Variants in ADGRL3 observed in about 807,000 individuals in gnomAD.
ADGRL3 encodes adhesion G protein-coupled receptor L3, also known as calcium-independent alpha-latrotoxin receptor 3.
In ADGRL3, 62 loss-of-function variants were observed where a neutral mutation model predicts 153.5. That is an observed-to-expected ratio of 0.40 (90% CI 0.33 to 0.50). ADGRL3 has a LOEUF of 0.50. Among genes scored for constraint, ADGRL3 ranks in the 20% least tolerant of loss-of-function variants. ADGRL3 has a pLI of 0.47. For synonymous variants in ADGRL3, 710 were observed against 672.5 expected, an observed-to-expected ratio of 1.06 and a Z score of -0.86; for missense variants, 1,641 against 1,859.4, an observed-to-expected ratio of 0.88 and a Z score of 2.16.
At chr4:61,967,483 A>G (rs2099011202) in intron 17 of ADGRL3, among the ~76,000 whole-genome samples, 1 of 152,210 alleles carries the variant, frequency 6.6e-6, no homozygotes, top group African/African-American at 2.4e-5. Context: ...ATGTGATAAC[A>G]TAAAGCCAAA....
intron 9 of ADGRL3, among the ~76,000 whole-genome samples, chr4:61,844,081 T>C (rs77128942): frequency 0.15 from 22,593 of 151,598 alleles, 1,827 homozygotes; most frequent in African/African-American, 0.2. Flanking sequence ...GGGTCTTGCC[T>C]GCTCAAAAAT....
At chr4:61,407,266 A>G (rs569513807) in intron 2 of ADGRL3, among the ~76,000 whole-genome samples, 1 of 152,084 alleles carries the variant, frequency 6.6e-6, no homozygotes, top group African/African-American at 2.4e-5. Flanking sequence ...AAATTATACT[A>G]AAGTAAGGTG....
At chr4:61,413,319 T>C (rs2097109208) in intron 2 of ADGRL3, among the ~76,000 whole-genome samples, 1 of 151,974 alleles carries the variant, frequency 6.6e-6, no homozygotes, top group African/African-American at 2.4e-5. Context: ...GTGATGAAAG[T>C]CTTCACCTGG....
Position 61,895,744 on chromosome 4 carries a change from T to C in ADGRL3, c.1797T>C (p.Tyr599=). Residue 599 remains tyrosine, a synonymous_variant, in exon 11 of 27, where the codon TAT becomes TAC. Coordinates refer to ENST00000683033, the MANE Select transcript of ADGRL3 (RefSeq NM_001387552.1). Reference sequence around the variant, plus strand: ...TCATTATTACAGGTGTATCAACTTATCTATGCCTTGCTCCTGATGGAATTT... The same window carrying C: ...TCATTATTACAGGTGTATCAACTTACCTATGCCTTGCTCCTGATGGAATTT... ...CPAGTIGVST[Y]LCLAPDGIWD... is the part of the protein sequence containing the mutation. 1 of 1,592,372 alleles carries C rather than the reference T, an allele frequency of 6.3e-7. No individual in the cohort carries two copies. Among genetic ancestry groups the C allele is most frequent in the Non-Finnish European group, 8.6e-7 (1 of 1,166,176 alleles).
chr4:61,362,999 T>G (rs1425946023), intron 1 of ADGRL3, among the ~76,000 whole-genome samples: 1 of 152,236 alleles, frequency 6.6e-6, no homozygotes, highest in Non-Finnish European at 1.5e-5. Context: ...CATACCATAT[T>G]GACACCAATG....
chr4:61,895,911 A>G, intron 11 of ADGRL3, 77 bp downstream of exon 11: 1 of 744,162 alleles, frequency 1.3e-6, no homozygotes, highest in Non-Finnish European at 2.1e-6. Flanking sequence ...TGGAAAAAAA[A>G]CAGTCAAGAA....
At chr4:61,654,909 G>A (rs1365600191) in intron 5 of ADGRL3, among the ~76,000 whole-genome samples, 1 of 151,872 alleles carries the variant, frequency 6.6e-6, no homozygotes, top group Non-Finnish European at 1.5e-5. Context: ...AAAGAAAAAA[G>A]AAAACAGAAA....
chr4:61,917,895 G>A (rs769898986), intron 13 of ADGRL3, among the ~76,000 whole-genome samples: 13 of 152,182 alleles, frequency 8.5e-5, no homozygotes, highest in African/African-American at 1.4e-4. Context: ...CAGGGTGTGA[G>A]CCTGTGGTAG....
chr4:61,833,200 G>A (rs1241400352), intron 9 of ADGRL3, among the ~76,000 whole-genome samples: 3 of 152,010 alleles, frequency 2.0e-5, no homozygotes, highest in Non-Finnish European at 4.4e-5. Context: ...CTGGCTGCAT[G>A]GAAATTTTAT....
intron 1 of ADGRL3, among the ~76,000 whole-genome samples, chr4:61,286,153 C>G (rs1453169941): frequency 6.6e-6 from 1 of 151,370 alleles, no homozygotes; most frequent in Non-Finnish European, 1.5e-5. Context: ...AGTTGTACAA[C>G]TTCTTGGCAT....
At chr4:61,348,209 T>C (rs1414764344) in intron 1 of ADGRL3, among the ~76,000 whole-genome samples, 1 of 152,076 alleles carries the variant, frequency 6.6e-6, no homozygotes, top group East Asian at 1.9e-4. Context: ...CATAAAAATG[T>C]TTTAATCAAA....
chr4:61,923,579 C>A (rs904309712), intron 13 of ADGRL3, among the ~76,000 whole-genome samples: 1 of 152,096 alleles, frequency 6.6e-6, no homozygotes, highest in African/African-American at 2.4e-5. Context: ...GTCTCTGTAC[C>A]TTTATAGTCA....
rs369245381 is a variant in ADGRL3 at position 61,887,142 on chromosome 4, G to T, written c.1481-5514G>T. ...AGCCTCCCAAAGTGCTGTGATTACA[G>T]GCATGAGCCACTGTGCCCAGCCTAG... On this transcript the variant is annotated intron_variant, in intron 9 of 26. Coordinates refer to ENST00000683033, the MANE Select transcript of ADGRL3 (RefSeq NM_001387552.1). Among the ~76,000 whole-genome samples the T allele has an allele frequency of 1.7e-4, 26 of 152,160 alleles. 1 individual carries two copies. The East Asian group carries it at 1.9e-3, about 11-fold the overall frequency.
chr4:61,446,523 C>T (rs1227800086), intron 2 of ADGRL3, among the ~76,000 whole-genome samples: 1 of 152,168 alleles, frequency 6.6e-6, no homozygotes, highest in African/African-American at 2.4e-5. Context: ...TTCTTCACAT[C>T]ATACCTTCTA....
intron 1 of ADGRL3, among the ~76,000 whole-genome samples, chr4:61,214,031 G>T (rs886120476): frequency 6.6e-6 from 1 of 152,094 alleles, no homozygotes; most frequent in Non-Finnish European, 1.5e-5. Context: ...GTTGTGTATT[G>T]TTCATAGCTA....
intron 3 of ADGRL3, among the ~76,000 whole-genome samples, chr4:61,498,590 A>G (rs2098347479): frequency 2.0e-5 from 3 of 152,064 alleles, no homozygotes; most frequent in Admixed American, 2.0e-4. Flanking sequence ...AAATAATATT[A>G]ATGTGTGTTT....
intron 2 of ADGRL3, among the ~76,000 whole-genome samples, chr4:61,493,381 C>T (rs1301103483): frequency 2.0e-5 from 3 of 152,148 alleles, no homozygotes; most frequent in Admixed American, 2.0e-4. Flanking sequence ...AGAGATGGCT[C>T]TATGTCCTGC....
chr4:61,638,716 G>A (rs2093537098), intron 5 of ADGRL3, among the ~76,000 whole-genome samples: 1 of 152,222 alleles, frequency 6.6e-6, no homozygotes, highest in African/African-American at 2.4e-5. Flanking sequence ...ATTACTCTAA[G>A]TTAAACAGGA....
Position 61,517,505 on chromosome 4 carries a change from G to T in ADGRL3, c.246G>T (p.Gln82His). ...GVRGPGAQGA[Q>H]IAAQAFSRAP... is the part of the protein sequence containing the mutation. ...GCGGTCCAGGTGCCCAAGGAGCACA[G>T]ATTGCAGCGCAAGGTGCGGCCAGCG... The change falls in exon 4 of 27, where the codon CAG (glutamine) becomes CAT (histidine). Residue 82 changes from glutamine to histidine, a missense_variant. Coordinates refer to ENST00000683033, the MANE Select transcript of ADGRL3 (RefSeq NM_001387552.1). 1 of 710,870 alleles carries T rather than the reference G, an allele frequency of 1.4e-6. No individual in the cohort carries two copies. The highest frequency in any genetic ancestry group is 2.5e-6 in the Non-Finnish European group (1 of 393,016). The allele number at this position is 710,870 out of a possible 1,614,324, so 44.0% of individuals were successfully genotyped here. A position where few individuals can be genotyped will look rare whatever the true frequency, so the allele number is the denominator to read the frequency against.
Sources: gnomAD v4.1 joint callset for allele counts (sites outside exome capture counted in the v4.1 genomes callset) on GRCh38, gnomAD v4.1.1 for gene constraint, MANE v1.5 for transcripts, NCBI Gene and HGNC (gene_info 2026-07-23, HGNC 2026-07-21) for gene names.